GLRB: variants seen among roughly 807,000 people sequenced by gnomAD.
GLRB encodes the protein glycine receptor beta.
In GLRB, 33 loss-of-function variants were observed where a neutral mutation model predicts 54.2. The observed-to-expected ratio is 0.61, with a 90% CI of 0.46 to 0.81. GLRB has a LOEUF of 0.81. GLRB is among the 40% of genes least tolerant of loss of function. The probability of loss-of-function intolerance (pLI) is 0.00; values close to 1 mark genes in which losing one functional copy is unlikely to be tolerated. For synonymous variants in GLRB, 209 were observed against 208.2 expected, an observed-to-expected ratio of 1.00 and a Z score of -0.03; for missense variants, 572 against 584.6, an observed-to-expected ratio of 0.98 and a Z score of 0.22.
chr4:157,106,543 T>A (rs989240044), intron 2 of GLRB, among the ~76,000 whole-genome samples: 1 of 152,074 alleles, frequency 6.6e-6, no homozygotes, highest in African/African-American at 2.4e-5. Flanking sequence ...GATGGGGGCC[T>A]GAATATAATA....
intron 8 of GLRB, among the ~76,000 whole-genome samples, chr4:157,145,879 T>C (rs747214868): frequency 5.3e-5 from 8 of 152,010 alleles, no homozygotes; most frequent in Non-Finnish European, 8.8e-5. Flanking sequence ...GGCAGGAGCA[T>C]GCTTGGACAT....
At chr4:157,078,450 C>T (rs555788813) in intron 2 of GLRB, among the ~76,000 whole-genome samples, 1 of 151,806 alleles carries the variant, frequency 6.6e-6, no homozygotes, top group African/African-American at 2.4e-5. Context: ...ATGTGCTGTG[C>T]AACTTTAATT....
intron 7 of GLRB, among the ~76,000 whole-genome samples, chr4:157,141,416 A>AAT (rs1345475608): frequency 6.6e-6 from 1 of 151,944 alleles, no homozygotes; most frequent in Non-Finnish European, 1.5e-5. Context: ...GGAAAGTATA[A>AAT]ATATATATAT....
At chr4:157,088,715 T>A (rs570777072) in intron 2 of GLRB, among the ~76,000 whole-genome samples, 2 of 152,300 alleles carry the variant, frequency 1.3e-5, no homozygotes, top group Admixed American at 6.5e-5. Flanking sequence ...TTTTTTAGGA[T>A]CCCATCTCCC....
chr4:157,122,274 T>A, intron 3 of GLRB, 56 bp from the exon 4 acceptor site: 1 of 712,170 alleles, frequency 1.4e-6, no homozygotes, highest in African/African-American at 1.8e-5. Flanking sequence ...AAAACTATGA[T>A]GATTCTGACC....
intron 2 of GLRB, among the ~76,000 whole-genome samples, chr4:157,098,898 G>A (rs183426549): frequency 3.3e-5 from 5 of 152,132 alleles, no homozygotes; most frequent in Admixed American, 6.5e-5. Flanking sequence ...ATGAGCTACC[G>A]TGCCTGGCTG....
At position 157,152,803 on chromosome 4, in the gene GLRB, T is replaced by G; in HGVS notation, c.990T>G (p.Asp330Glu). 1 of 1,613,968 alleles carries G rather than the reference T, an allele frequency of 6.2e-7. No individual in the cohort carries two copies. Among genetic ancestry groups the G allele is most frequent in the Non-Finnish European group, 8.5e-7 (1 of 1,179,878 alleles). ...LPKVSYVKAL[D>E]VWLIACLLFG... ...AAGTTTCCTATGTGAAGGCTCTTGATGTTTGGCTTATTGCTTGCCTTCTCT... is the reference window on the plus strand; with the variant it reads ...AAGTTTCCTATGTGAAGGCTCTTGAGGTTTGGCTTATTGCTTGCCTTCTCT... Residue 330 changes from aspartate (D) to glutamate (E), a missense_variant, in exon 9 of 10, where the codon GAT (aspartate) becomes GAG (glutamate). Coordinates refer to ENST00000264428, the MANE Select transcript of GLRB (RefSeq NM_000824.5).
chr4:157,108,967 G>C lies in GLRB; in HGVS notation c.123-11589G>C, dbSNP rs531558890. ...GCAAGACTCTTTTATCAGCAAAAAA[G>C]ATGAAACCTTGTTTAAAGCTCAGAT... On this transcript the variant is annotated intron_variant, in intron 2 of 9. Coordinates refer to ENST00000264428, the MANE Select transcript of GLRB (RefSeq NM_000824.5). 6.6e-5 allele frequency among the ~76,000 whole-genome samples: 10 copies of C among 152,180 alleles called. No individual in the cohort carries two copies. The South Asian group carries it at 2.1e-3, about 32-fold the overall frequency.
At chr4:157,168,807 T>C in intron 9 of GLRB, among the ~76,000 whole-genome samples, 1 of 152,124 alleles carries the variant, frequency 6.6e-6, no homozygotes, top group East Asian at 1.9e-4. Context: ...AAGCCAACAT[T>C]TGTATGCTAG....
At chr4:157,081,364 T>C (rs935307450) in intron 2 of GLRB, among the ~76,000 whole-genome samples, 3 of 152,144 alleles carry the variant, frequency 2.0e-5, no homozygotes, top group Non-Finnish European at 2.9e-5. Context: ...ACAGCTCAGA[T>C]CTCTCTAAAG....
Position 157,136,803 on chromosome 4 carries a change from G to C in GLRB, c.528-1G>C. On this transcript the variant is annotated splice_acceptor_variant, in intron 5 of 9. Transcript: ENST00000264428. LOFTEE classifies it high-confidence loss of function. ...TTTCTAAGACCCATTTCTGCTTCCA[G>C]GTTATCTATTACTCTTTCATGCCCT... is the stretch of plus-strand genomic sequence containing the variant. 1 of 1,602,864 alleles carries C rather than the reference G, an allele frequency of 6.2e-7. No individual in the cohort carries two copies. Among genetic ancestry groups the C allele is most frequent in the East Asian group, 2.2e-5 (1 of 44,762 alleles).
intron 8 of GLRB, among the ~76,000 whole-genome samples, chr4:157,144,917 G>T (rs1736751937): frequency 6.6e-6 from 1 of 152,042 alleles, no homozygotes; most frequent in Non-Finnish European, 1.5e-5. Context: ...ACATCTAATT[G>T]AAATCACACA....
intron 9 of GLRB, among the ~76,000 whole-genome samples, chr4:157,155,859 A>C (rs754477169): frequency 6.6e-6 from 1 of 152,014 alleles, no homozygotes; most frequent in Non-Finnish European, 1.5e-5. Context: ...GTTTTCAGCT[A>C]TTATTTCTTT....
intron 4 of GLRB, among the ~76,000 whole-genome samples, chr4:157,125,432 A>G (rs1203173700): frequency 6.6e-6 from 1 of 151,880 alleles, no homozygotes; most frequent in Non-Finnish European, 1.5e-5. Flanking sequence ...AATTAAAACA[A>G]CGGTATTTTG....
chr4:157,169,329 AC>A (rs1737831172), intron 9 of GLRB, among the ~76,000 whole-genome samples: 1 of 152,124 alleles, frequency 6.6e-6, no homozygotes, highest in South Asian at 2.1e-4. Context: ...CCAAGAGCTA[AC>A]CTTTTTGTGG....
At chr4:157,124,188 G>A (rs1735932583) in intron 4 of GLRB, among the ~76,000 whole-genome samples, 1 of 151,656 alleles carries the variant, frequency 6.6e-6, no homozygotes, top group Admixed American at 6.6e-5. Context: ...CATCCCAGTA[G>A]TTAGCCAAGA....
intron 2 of GLRB, among the ~76,000 whole-genome samples, chr4:157,083,902 A>C (rs1175462355): frequency 1.3e-5 from 2 of 152,280 alleles, no homozygotes; most frequent in African/African-American, 4.8e-5. Flanking sequence ...GAAATATGTC[A>C]AGCTACTATA....
At chr4:157,130,483 G>A (rs1333725424) in intron 4 of GLRB, among the ~76,000 whole-genome samples, 1 of 151,552 alleles carries the variant, frequency 6.6e-6, no homozygotes, top group Non-Finnish European at 1.5e-5. Flanking sequence ...CCTGCTCTAA[G>A]TAATAATTTT....
intron 4 of GLRB, among the ~76,000 whole-genome samples, chr4:157,124,706 A>G (rs1405475460): frequency 6.6e-6 from 1 of 151,822 alleles, no homozygotes; most frequent in East Asian, 1.9e-4. Flanking sequence ...GAAAACTTTG[A>G]AAACCTTTAT....
Sources: gnomAD v4.1 joint callset for allele counts (sites outside exome capture counted in the v4.1 genomes callset) on GRCh38, gnomAD v4.1.1 for gene constraint, MANE v1.5 for transcripts, NCBI Gene and HGNC (gene_info 2026-07-23, HGNC 2026-07-21) for gene names.